KIF26A: variants seen among roughly 807,000 people sequenced by gnomAD.
KIF26A encodes kinesin family member 26A.
A neutral mutation model predicts 126.0 loss-of-function variants in KIF26A; 74 were observed. The ratio of observed to expected loss-of-function variants is 0.59; its 90% CI spans 0.49 to 0.71. The LOEUF (loss-of-function observed/expected upper bound fraction) is 0.71. Ranked by LOEUF, KIF26A falls within the 30% of genes least tolerant of loss-of-function variation. The pLI, the probability that KIF26A is intolerant of heterozygous loss-of-function variation, is 0.00. For missense variants in KIF26A, 2,984 were observed against 2,763.3 expected, an observed-to-expected ratio of 1.08 and a Z score of -1.79; for synonymous variants, 1,445 against 1,232.7, an observed-to-expected ratio of 1.17 and a Z score of -3.61.
Position 104,153,490 on chromosome 14 carries a change from ATGAGGTG to A in KIF26A, c.735+1030_735+1036del, listed in dbSNP as rs1566856733. 6.6e-3 allele frequency among the ~76,000 whole-genome samples: 900 copies of A among 135,570 alleles called. 1 individual carries two copies. The highest frequency in any genetic ancestry group is 0.012 in the Middle Eastern group (3 of 256). The allele number at this position is 135,570 out of a possible 152,430, so 88.9% of individuals were successfully genotyped here. A position where few individuals can be genotyped will look rare whatever the true frequency, so the allele number is the denominator to read the frequency against. On this transcript the variant is annotated intron_variant, in intron 3 of 14. Transcript: ENST00000423312. ...CCCAGAGCTGAACCCCACCCTTGCC[ATGAGGTG>A]CCTCCTGGCCCCAGAGCCGAACCCC...
At position 104,179,785 on chromosome 14, in the gene KIF26A, G is replaced by A. The variant is rs765201746; in HGVS notation, c.5644G>A (p.Val1882Ile). The change falls in exon 15 of 15, where the codon GTC (valine) becomes ATC (isoleucine). Residue 1882 changes from valine to isoleucine, a missense_variant. By Grantham distance (29) the Val-to-Ile change is conservative. Coordinates refer to ENST00000423312, the MANE Select transcript of KIF26A (RefSeq NM_015656.2). ...CATCCCGGGGCCGCAGGAGGTGGAC[G>A]TCTGAGGCTGGGCGCCGGACAAGAG... ...AAIPGPQEVD[V>I] The A allele has an allele frequency of 5.5e-5, 84 of 1,532,142 alleles. No homozygotes were observed. The Middle Eastern group carries it at 7.1e-4, about 13-fold the overall frequency. The allele number at this position is 1,532,142 out of a possible 1,614,324, so 94.9% of individuals were successfully genotyped here.
rs1293985181 is a variant in KIF26A at position 104,171,708 on chromosome 14, C to G, written c.1114-15C>G. The G allele has an allele frequency of 6.5e-7, 1 of 1,548,366 alleles. No individual in the cohort carries two copies. The highest frequency in any genetic ancestry group is 1.4e-5 in the African/African-American group (1 of 73,432). On this transcript the variant is annotated splice_polypyrimidine_tract_variant and intron_variant, in intron 5 of 14. Transcript: ENST00000423312. ...GCGGAGGCAGCTTCTCAGGTGCCGC[C>G]CACCTCTGCCCCAGGTGAAGGTTAT...
At chr14:104,145,780 C>T (rs995890714) in intron 2 of KIF26A, among the ~76,000 whole-genome samples, 1 of 152,188 alleles carries the variant, frequency 6.6e-6, no homozygotes, top group Non-Finnish European at 1.5e-5. Context: ...ACAAAGCCCT[C>T]GTCCTCCAGC....
chr14:104,155,889 G>A (rs906762172), intron 3 of KIF26A, among the ~76,000 whole-genome samples: 1 of 152,216 alleles, frequency 6.6e-6, no homozygotes, highest in Non-Finnish European at 1.5e-5. Context: ...GGTGGGCTGT[G>A]GTGTAGCAGC....
intron 2 of KIF26A, among the ~76,000 whole-genome samples, chr14:104,147,402 C>T (rs993467879): frequency 6.6e-6 from 1 of 152,142 alleles, no homozygotes; most frequent in Non-Finnish European, 1.5e-5. Context: ...GGGTTGTGTC[C>T]CCGCTCCCTC....
chr14:104,149,127 C>G (rs1190852715), intron 2 of KIF26A, among the ~76,000 whole-genome samples: 3 of 152,190 alleles, frequency 2.0e-5, no homozygotes, highest in Non-Finnish European at 4.4e-5. Flanking sequence ...CTGGTCCCAT[C>G]CAGTGTCTTG....
chr14:104,147,034 A>G (rs1339162205), intron 2 of KIF26A, among the ~76,000 whole-genome samples: 1 of 152,048 alleles, frequency 6.6e-6, no homozygotes, highest in Non-Finnish European at 1.5e-5. Context: ...CAGGGGCCTG[A>G]TTTGAAACCG....
At position 104,172,727 on chromosome 14, in the gene KIF26A, CACG is replaced by C. The variant is rs1483464068; in HGVS notation, c.1420+60_1420+62del. 26 of 1,338,366 alleles carry C rather than the reference CACG, an allele frequency of 1.9e-5. No individual in the cohort carries two copies. The East Asian group carries it at 5.7e-4, about 29-fold the overall frequency. 82.9% of individuals were successfully genotyped at this position (1,338,366 alleles called of 1,614,324 possible). A position where few individuals can be genotyped will look rare whatever the true frequency, so the allele number is the denominator to read the frequency against. ...GCTGGCCACCCCCTCCCATCCTCAT[CACG>C]GTGGTTGCTGGCAGCTTCTGATGGG... On this transcript the variant is annotated intron_variant, in intron 7 of 14. Coordinates refer to ENST00000423312, the MANE Select transcript of KIF26A (RefSeq NM_015656.2).
Position 104,175,181 on chromosome 14 carries a change from C to A in KIF26A, c.2393C>A (p.Ala798Glu). ...DTVIYVGPGGAALSDRELTDN... is the reference protein window; with the variant it reads ...DTVIYVGPGGEALSDRELTDN... ...GTCATCTACGTGGGGCCCGGTGGGG[C>A]GGCGCTGTCAGACCGGGAGCTCACC... The change falls in exon 12 of 15, where the codon GCG becomes GAG. Residue 798 changes from alanine to glutamate, a missense_variant. Transcript: ENST00000423312. 6.2e-7 allele frequency: 1 copy of A among 1,607,464 alleles called. No homozygotes were observed.
At chr14:104,138,984 G>C (rs373404584) in intron 1 of KIF26A, 59 bp from the exon 2 acceptor site, 3 of 1,320,606 alleles carry the variant, frequency 2.3e-6, no homozygotes, top group Non-Finnish European at 2.9e-6. Context: ...GGCGCGCAGG[G>C]GTCTGGATCC....
In KIF26A at chr14:104,179,890, A is replaced by AG; in HGVS notation, c.*104dup. ...TGGGGGCTGCGGGGGGAGGATGCGG[A>AG]GGGGTTTCTGTGCAGGACGGGAGTC... is the stretch of plus-strand genomic sequence containing the variant. On this transcript the variant is annotated 3_prime_UTR_variant, in exon 15 of 15. Transcript: ENST00000423312. The AG allele has an allele frequency of 8.8e-7, 1 of 1,133,864 alleles. No individual in the cohort carries two copies. The allele number at this position is 1,133,864 out of a possible 1,614,324, so 70.2% of individuals were successfully genotyped here.
chr14:104,165,358 CTG>C (rs1229580456), intron 4 of KIF26A, among the ~76,000 whole-genome samples: 4 of 134,800 alleles, frequency 3.0e-5, no homozygotes, highest in East Asian at 2.2e-4. Context: ...ATGTGTGCGT[CTG>C]TGTGTCCCTG....
intron 2 of KIF26A, among the ~76,000 whole-genome samples, chr14:104,143,556 T>A (rs1469102011): frequency 2.0e-5 from 3 of 152,220 alleles, no homozygotes; most frequent in Non-Finnish European, 4.4e-5. Context: ...GATGGGGGCA[T>A]CTCTGTCTCC....
intron 4 of KIF26A, 24 bp from the exon 5 acceptor site, chr14:104,166,835 C>T: frequency 2.0e-6 from 3 of 1,530,834 alleles, no homozygotes; most frequent in East Asian, 2.5e-5. Context: ...CACCACTGAT[C>T]CTGCCTCTGC....
intron 10 of KIF26A, 122 bp downstream of exon 10, chr14:104,173,990 C>G: frequency 7.1e-7 from 1 of 1,407,046 alleles, no homozygotes; most frequent in Non-Finnish European, 9.4e-7. Flanking sequence ...TCCTCCACCA[C>G]CTGACAGGCC....
At position 104,139,389 on chromosome 14, in the gene KIF26A, C is replaced by T. The variant is rs150159429; in HGVS notation, c.288+101C>T. ...GAAGCAGGGTTCCACTCCTTCCCTG[C>T]TGCTGTTTCCACAAAGAGTTATCAG... On this transcript the variant is annotated intron_variant, in intron 2 of 14. Coordinates refer to ENST00000423312, the MANE Select transcript of KIF26A (RefSeq NM_015656.2). 355 of 1,294,136 alleles carry T rather than the reference C, an allele frequency of 2.7e-4. No homozygotes were observed. The African/African-American group carries it at 4.9e-3, about 18-fold the overall frequency. 80.2% of individuals were successfully genotyped at this position (1,294,136 alleles called of 1,614,324 possible).
intron 2 of KIF26A, among the ~76,000 whole-genome samples, chr14:104,144,923 G>T (rs72714966): frequency 0.01 from 1,546 of 152,330 alleles, 10 homozygotes; most frequent in Middle Eastern, 0.024. Flanking sequence ...TGTGCTGTTG[G>T]GGGGAGTGGC....
chr14:104,138,689 G>A lies in KIF26A; in HGVS notation c.-34G>A. 1.6e-6 allele frequency: 2 copies of A among 1,265,412 alleles called. No individual in the cohort carries two copies. Among genetic ancestry groups the A allele is most frequent in the Non-Finnish European group, 1.0e-6 (1 of 1,004,264 alleles). 78.4% of individuals were successfully genotyped at this position (1,265,412 alleles called of 1,614,324 possible). A position where few individuals can be genotyped will look rare whatever the true frequency, so the allele number is the denominator to read the frequency against. ...CGCCCCCGGAGAGCCAGCGTGGCCGGGAGCGCCTGCCGGGCTCTTCCCGCG... is the reference window on the plus strand; with the variant it reads ...CGCCCCCGGAGAGCCAGCGTGGCCGAGAGCGCCTGCCGGGCTCTTCCCGCG... On this transcript the variant is annotated 5_prime_UTR_variant, in exon 1 of 15. Transcript: ENST00000423312.
chr14:104,173,189 A>T lies in KIF26A; in HGVS notation c.1633A>T (p.Thr545Ser), dbSNP rs1448331820. ...AEVAPGSLQD[T>S]QSPGVYLRED... The stretch of plus-strand genomic sequence containing the variant: ...GGTGGCCCCTGGCAGCCTCCAGGAC[A>T]CCCAGTCTCCGGGAGTGTACCTGCG... The change falls in exon 8 of 15, where the codon ACC (threonine) becomes TCC (serine). Residue 545 changes from threonine to serine, a missense_variant. Physicochemically the swap from Thr to Ser is moderately conservative, Grantham distance 58. Coordinates refer to ENST00000423312, the MANE Select transcript of KIF26A (RefSeq NM_015656.2). The T allele has an allele frequency of 3.1e-6, 5 of 1,611,626 alleles. No homozygotes were observed. The East Asian group carries it at 1.1e-4, about 36-fold the overall frequency.
Sources: allele counts gnomAD v4.1 joint callset (sites outside exome capture counted in the v4.1 genomes callset), GRCh38; gene constraint gnomAD v4.1.1; transcripts MANE v1.5; gene names NCBI Gene and HGNC (gene_info 2026-07-23, HGNC 2026-07-21).